The following PITPNC1 variants were observed in gnomAD, a reference collection of about 807,000 sequenced individuals.
The protein encoded by PITPNC1 is cytoplasmic phosphatidylinositol transfer protein 1.
A neutral mutation model predicts 44.7 loss-of-function variants in PITPNC1; 18 were observed. The observed-to-expected ratio is 0.40, with a 90% CI of 0.28 to 0.60. PITPNC1 has a LOEUF of 0.60. Among genes scored for constraint, PITPNC1 ranks in the 20% least tolerant of loss-of-function variants. PITPNC1 has a pLI of 0.39. For synonymous variants in PITPNC1, 141 were observed against 149.6 expected (o/e 0.94, Z 0.42); for missense variants, 290 against 418.4 (o/e 0.69, Z 2.68).
At chr17:67,495,051 T>TG (rs2039929868) in intron 1 of PITPNC1, among the ~76,000 whole-genome samples, 1 of 49,660 alleles carries the variant, frequency 2.0e-5, no homozygotes, top group African/African-American at 8.0e-5. Context: ...TTTTTTTTTT[T>TG]GTTTTTTTTT....
chr17:67,650,055 C>G (rs888036460), intron 6 of PITPNC1, among the ~76,000 whole-genome samples: 1 of 152,128 alleles, frequency 6.6e-6, no homozygotes, highest in Non-Finnish European at 1.5e-5. Context: ...CCCCTAATCA[C>G]CTGGTGTTTC....
intron 3 of PITPNC1, among the ~76,000 whole-genome samples, chr17:67,552,805 C>CAA (rs10601654): frequency 3.8e-4 from 24 of 63,388 alleles, no homozygotes; most frequent in East Asian, 1.1e-3. Context: ...GAGACTCCGT[C>CAA]AAAAAAAAAA....
At chr17:67,685,507 C>T (rs1476776550) in intron 8 of PITPNC1, among the ~76,000 whole-genome samples, 1 of 152,200 alleles carries the variant, frequency 6.6e-6, no homozygotes, top group African/African-American at 2.4e-5. Context: ...CACCAAACCA[C>T]ATGATGCAGA....
At chr17:67,614,503 C>T (rs1231098481) in intron 5 of PITPNC1, among the ~76,000 whole-genome samples, 2 of 151,780 alleles carry the variant, frequency 1.3e-5, no homozygotes, top group Admixed American at 1.3e-4. Context: ...GAAACCGCAT[C>T]TCTACTAAGA....
At chr17:67,654,865 C>G (rs191582335) in intron 6 of PITPNC1, among the ~76,000 whole-genome samples, 7 of 152,170 alleles carry the variant, frequency 4.6e-5, no homozygotes, top group African/African-American at 1.7e-4. Context: ...AAACTCCTGA[C>G]CTCGTGATCT....
rs146447483 is a variant in PITPNC1 at position 67,555,171 on chromosome 17, C to A, written c.294+1554C>A. 2.4e-3 allele frequency among the ~76,000 whole-genome samples: 364 copies of A among 152,232 alleles called. 1 individual carries two copies. Among genetic ancestry groups the A allele is most frequent in the African/African-American group, 8.3e-3 (345 of 41,546 alleles). On this transcript the variant is annotated intron_variant, in intron 4 of 8. Transcript: ENST00000581322. Reference sequence around the variant, plus strand: ...GAATGAACATCTTAACTTTTCTGAACCTGTTTCCTCTTTTCTGAAATTAGA... The same window carrying A: ...GAATGAACATCTTAACTTTTCTGAAACTGTTTCCTCTTTTCTGAAATTAGA...
chr17:67,546,863 A>AAG (rs1355597816), intron 2 of PITPNC1, among the ~76,000 whole-genome samples: 1 of 152,158 alleles, frequency 6.6e-6, no homozygotes, highest in East Asian at 1.9e-4. Flanking sequence ...AAACAATTAC[A>AAG]TTAAGAGCAC....
rs566717863 is a variant in PITPNC1, at chr17:67,605,415, G to A, written c.367-26728G>A. Among the ~76,000 whole-genome samples the A allele has an allele frequency of 2.0e-4, 31 of 152,292 alleles. No homozygotes were observed. In the East Asian group the frequency reaches 4.6e-3, roughly 23 times the overall value. On this transcript the variant is annotated intron_variant, in intron 5 of 8. Coordinates refer to ENST00000581322, the MANE Select transcript of PITPNC1 (RefSeq NM_012417.4). ...TCACGCCGCCTGCCAGCTGGCAGCC[G>A]CTGTCCAGCCTGGGAACAGAGCTTG...
chr17:67,530,298 C>G (rs899732629), intron 1 of PITPNC1, among the ~76,000 whole-genome samples: 1 of 151,706 alleles, frequency 6.6e-6, no homozygotes, highest in Non-Finnish European at 1.5e-5. Flanking sequence ...TCACCGTGAT[C>G]GCCAGGATGG....
intron 4 of PITPNC1, among the ~76,000 whole-genome samples, chr17:67,566,769 A>G (rs1458210528): frequency 6.6e-6 from 1 of 152,220 alleles, no homozygotes; most frequent in African/African-American, 2.4e-5. Flanking sequence ...GTTAGTGGCC[A>G]CAGCACATAC....
chr17:67,415,220 A>G (rs144970744), intron 1 of PITPNC1, among the ~76,000 whole-genome samples: 7 of 152,248 alleles, frequency 4.6e-5, no homozygotes, highest in African/African-American at 1.7e-4. Flanking sequence ...GTTTGTTGCC[A>G]TCTACTGTTG....
At chr17:67,388,058 A>C (rs370727292) in intron 1 of PITPNC1, among the ~76,000 whole-genome samples, 6 of 152,220 alleles carry the variant, frequency 3.9e-5, no homozygotes. Flanking sequence ...ATGGATAGGA[A>C]GAAGCTGAGG....
intron 1 of PITPNC1, among the ~76,000 whole-genome samples, chr17:67,531,163 A>C (rs1336640092): frequency 6.6e-6 from 1 of 152,160 alleles, no homozygotes; most frequent in Non-Finnish European, 1.5e-5. Context: ...GGATTGCTTG[A>C]GCCTGGGAGG....
At position 67,502,897 on chromosome 17, in the gene PITPNC1, G is replaced by A. The variant is rs151026378; in HGVS notation, c.49-29905G>A. ...CAACCTCCGCCTCCTGGGTTCAAGC[G>A]ATTCTCCTGCCTCAGCCTCCCGAGT... On this transcript the variant is annotated intron_variant, in intron 1 of 8. Coordinates refer to ENST00000581322, the MANE Select transcript of PITPNC1 (RefSeq NM_012417.4). Among the ~76,000 whole-genome samples, 640 of 152,080 alleles carry A rather than the reference G, an allele frequency of 4.2e-3. 1 individual carries two copies. The highest frequency in any genetic ancestry group is 6.6e-3 in the Non-Finnish European group (447 of 67,998).
chr17:67,511,373 A>G (rs938527851), intron 1 of PITPNC1, among the ~76,000 whole-genome samples: 1 of 152,248 alleles, frequency 6.6e-6, no homozygotes, highest in Non-Finnish European at 1.5e-5. Flanking sequence ...TAGGTAGAGT[A>G]GCTAGGTAAA....
intron 5 of PITPNC1, among the ~76,000 whole-genome samples, chr17:67,603,039 C>A (rs1216507578): frequency 6.6e-6 from 1 of 152,136 alleles, no homozygotes; most frequent in African/African-American, 2.4e-5. Flanking sequence ...CCACACCAGG[C>A]CCCTGGGTCA....
intron 1 of PITPNC1, chr17:67,408,744 CTCTT>C (rs1362968532): frequency 0.011 from 1,335 of 125,078 alleles, 13 homozygotes; most frequent in Middle Eastern, 0.015. Flanking sequence ...CTTTCTTTCT[CTCTT>C]TCTTTCTTTC....
intron 2 of PITPNC1, among the ~76,000 whole-genome samples, chr17:67,536,601 C>T (rs111431702): frequency 0.011 from 1,745 of 152,198 alleles, 32 homozygotes; most frequent in African/African-American, 0.041. Flanking sequence ...GTAAAACAAT[C>T]CATAACCTCC....
At chr17:67,482,140 C>T (rs2039712856) in intron 1 of PITPNC1, among the ~76,000 whole-genome samples, 2 of 152,184 alleles carry the variant, frequency 1.3e-5, no homozygotes, top group Non-Finnish European at 2.9e-5. Flanking sequence ...CTTCCGTTAG[C>T]TGTCATTTAT....
Sources: gnomAD v4.1 joint callset for allele counts (sites outside exome capture counted in the v4.1 genomes callset) on GRCh38, gnomAD v4.1.1 for gene constraint, MANE v1.5 for transcripts, NCBI Gene and HGNC (gene_info 2026-07-23, HGNC 2026-07-21) for gene names.